FBXL2: variants seen among roughly 807,000 people sequenced by gnomAD.
The protein encoded by FBXL2 is F-box and leucine rich repeat protein 2.
Under a neutral mutation model 69.2 loss-of-function variants are expected in FBXL2, and 38 were observed. That is an observed-to-expected ratio of 0.55 (90% CI 0.42 to 0.72). The LOEUF (loss-of-function observed/expected upper bound fraction) is 0.72, where lower values mean the gene tolerates loss of function less well. FBXL2 is among the 30% of genes least tolerant of loss of function. The probability of loss-of-function intolerance (pLI) is 0.00; values close to 1 mark genes in which losing one functional copy is unlikely to be tolerated. For missense variants in FBXL2, 354 were observed against 520.3 expected, an observed-to-expected ratio of 0.68 and a Z score of 3.11; for synonymous variants, 192 against 201.3, an observed-to-expected ratio of 0.95 and a Z score of 0.39.
chr3:33,285,018 T>C (rs1378074010), intron 1 of FBXL2, among the ~76,000 whole-genome samples: 2 of 152,212 alleles, frequency 1.3e-5, no homozygotes, highest in Admixed American at 1.3e-4. Context: ...TGTCTTTTAA[T>C]TGGATCATTT....
At chr3:33,420,488 CTTTT>C in the FBXL2 span, among the ~76,000 whole-genome samples, 4 of 120,624 alleles carry the variant, frequency 3.3e-5, no homozygotes, top group African/African-American at 9.6e-5. Context: ...ACCATACTGG[CTTTT>C]TTTTTTTTTT....
At chr3:33,290,949 T>G (rs79444787) in intron 1 of FBXL2, among the ~76,000 whole-genome samples, 1 of 152,040 alleles carries the variant, frequency 6.6e-6, no homozygotes, top group Non-Finnish European at 1.5e-5. Context: ...TTTTTTTTTT[T>G]GAGACCCTCT....
At chr3:33,288,864 T>C (rs957053666) in intron 1 of FBXL2, among the ~76,000 whole-genome samples, 4 of 152,072 alleles carry the variant, frequency 2.6e-5, no homozygotes, top group African/African-American at 9.7e-5. Context: ...AGAGAACCAT[T>C]GTGGAGTAAA....
intron 2 of FBXL2, 126 bp downstream of exon 2, chr3:33,297,851 T>C (rs2035882284): frequency 1.4e-6 from 1 of 696,700 alleles, no homozygotes; most frequent in Non-Finnish European, 2.6e-6. Context: ...TAACTGACTT[T>C]TTGTTTTTGT....
intron 2 of FBXL2, among the ~76,000 whole-genome samples, chr3:33,337,553 G>T (rs2039686704): frequency 6.6e-6 from 1 of 152,124 alleles, no homozygotes; most frequent in Non-Finnish European, 1.5e-5. Context: ...GGATAAATTG[G>T]CACAACTGTT....
intron 12 of FBXL2, chr3:33,396,676 A>C: frequency 2.4e-6 from 1 of 424,840 alleles, no homozygotes. Context: ...ATTCACAATT[A>C]GTTTACATTT....
At chr3:33,391,365 C>T (rs532883385), downstream of FBXL2, 1 of 152,308 alleles carries the variant, frequency 6.6e-6, no homozygotes, top group African/African-American at 2.4e-5. Context: ...GGAATCCCTC[C>T]TCTTTAATGT....
intron 2 of FBXL2, among the ~76,000 whole-genome samples, chr3:33,320,600 C>T (rs113731262): frequency 0.014 from 2,172 of 151,974 alleles, 52 homozygotes; most frequent in African/African-American, 0.049. Context: ...CCTGCCTCAG[C>T]GTCCTGAGTA....
intron 12 of FBXL2, among the ~76,000 whole-genome samples, chr3:33,401,345 T>C (rs773029545): frequency 6.6e-6 from 1 of 152,060 alleles, no homozygotes; most frequent in Non-Finnish European, 1.5e-5. Flanking sequence ...TTTTAAAAGT[T>C]AGGGGAAAAA....
chr3:33,393,130 A>G, intron 12 of FBXL2: 1 of 668,786 alleles, frequency 1.5e-6, no homozygotes, highest in Admixed American at 3.7e-5. Context: ...CTTGTATTCC[A>G]TATTATCACT....
intron 4 of FBXL2, 123 bp from the exon 5 acceptor site, chr3:33,364,502 T>C (rs1471372768): frequency 2.3e-6 from 2 of 864,130 alleles, no homozygotes; most frequent in Admixed American, 1.9e-5. Context: ...ACAGGAATGT[T>C]CCAAAATATT....
intron 1 of FBXL2, among the ~76,000 whole-genome samples, chr3:33,278,022 T>G (rs996140616): frequency 1.2e-4 from 18 of 152,188 alleles, no homozygotes; most frequent in Middle Eastern, 3.4e-3. Flanking sequence ...GAAATTAAAA[T>G]TTTTGATTTT....
intron 2 of FBXL2, among the ~76,000 whole-genome samples, chr3:33,347,399 T>C (rs1445045432): frequency 6.6e-6 from 1 of 152,228 alleles, no homozygotes; most frequent in African/African-American, 2.4e-5. Context: ...ATGTCCCACA[T>C]TTTCTTAATC....
chr3:33,347,361 T>C (rs918572596), intron 2 of FBXL2, among the ~76,000 whole-genome samples: 1 of 152,240 alleles, frequency 6.6e-6, no homozygotes, highest in Non-Finnish European at 1.5e-5. Context: ...ATGTTGGATA[T>C]GTATGGATGA....
Position 33,364,785 on chromosome 3 carries a change from A to T in FBXL2, c.290+66A>T, listed in dbSNP as rs2041846056. On this transcript the variant is annotated intron_variant, in intron 5 of 14. Transcript: ENST00000484457. ...GCATTTTCATCAGCAAAAATAAACC[A>T]AGCCTATTACATGCTCTTCTTCTGT... 23 of 1,319,372 alleles carry T rather than the reference A, an allele frequency of 1.7e-5. 1 individual carries two copies. The South Asian group carries it at 2.5e-4, about 14-fold the overall frequency. 81.7% of individuals were successfully genotyped at this position (1,319,372 alleles called of 1,614,324 possible).
chr3:33,279,485 G>A (rs1452860480), intron 1 of FBXL2, among the ~76,000 whole-genome samples: 1 of 152,078 alleles, frequency 6.6e-6, no homozygotes, highest in Non-Finnish European at 1.5e-5. Flanking sequence ...TGGTCAGGAT[G>A]GTCTCCATCT....
chr3:33,375,183 A>G, intron 9 of FBXL2, 105 bp from the exon 10 acceptor site: 1 of 1,384,804 alleles, frequency 7.2e-7, no homozygotes, highest in Non-Finnish European at 1.0e-6. Context: ...ATAAAATGCT[A>G]GTAATCAGCA....
Position 33,343,579 on chromosome 3 carries a change from A to G in FBXL2, c.66-15388A>G, listed in dbSNP as rs554706994. The stretch of plus-strand genomic sequence containing the variant: ...AAATACAATATTTAGGAGTCTATGT[A>G]TCTTTATTCTATTATTCAAATACTA... On this transcript the variant is annotated intron_variant, in intron 2 of 14. Coordinates refer to ENST00000484457, the MANE Select transcript of FBXL2 (RefSeq NM_012157.5). 9.7e-4 allele frequency among the ~76,000 whole-genome samples: 147 copies of G among 152,270 alleles called. 1 individual carries two copies. The Middle Eastern group carries it at 0.017, about 18-fold the overall frequency.
intron 2 of FBXL2, among the ~76,000 whole-genome samples, chr3:33,342,711 CTTTTTTTTTTTTTTTTTT>C (rs71070130): frequency 1.1e-4 from 4 of 37,912 alleles, no homozygotes; most frequent in Admixed American, 4.7e-4. Flanking sequence ...AATATAACTT[CTTTTTTTTTTTTTTTTTT>C]TTTTTTTTTT....
Sources: gnomAD v4.1 joint callset for allele counts (sites outside exome capture counted in the v4.1 genomes callset) on GRCh38, gnomAD v4.1.1 for gene constraint, MANE v1.5 for transcripts, NCBI Gene and HGNC (gene_info 2026-07-23, HGNC 2026-07-21) for gene names.